LRIG1: variants seen among roughly 807,000 people sequenced by gnomAD.
LRIG1 encodes leucine rich repeats and immunoglobulin like domains 1.
Under a neutral mutation model 99.2 loss-of-function variants are expected in LRIG1, and 48 were observed. The ratio of observed to expected loss-of-function variants is 0.48; its 90% CI spans 0.38 to 0.62. The LOEUF (loss-of-function observed/expected upper bound fraction) is 0.62, where lower values mean the gene tolerates loss of function less well. Ranked by LOEUF, LRIG1 falls within the 20% of genes least tolerant of loss-of-function variation. The pLI, the probability that LRIG1 is intolerant of heterozygous loss-of-function variation, is 0.00. For synonymous variants in LRIG1, 772 were observed against 596.1 expected (o/e 1.29, Z -4.30); for missense variants, 1,646 against 1,434.4 (o/e 1.15, Z -2.38).
At chr3:66,465,268 C>T (rs1166585544) in intron 1 of LRIG1, among the ~76,000 whole-genome samples, 1 of 151,982 alleles carries the variant, frequency 6.6e-6, no homozygotes, top group African/African-American at 2.4e-5. Context: ...AAATAGTTAC[C>T]ACATTCTCCC....
At chr3:66,406,221 C>G in intron 8 of LRIG1, 1 of 985,464 alleles carries the variant, frequency 1.0e-6, no homozygotes, top group Non-Finnish European at 1.2e-6. Flanking sequence ...AGTGGAGATT[C>G]TGCTGCTGGA....
chr3:66,410,081 A>C (rs1294748726), intron 7 of LRIG1, 48 bp downstream of exon 7: 2 of 1,564,034 alleles, frequency 1.3e-6, no homozygotes, highest in Admixed American at 3.6e-5. Context: ...TTTCACCTCC[A>C]AGCAGTGTCT....
At chr3:66,425,201 C>T (rs1208139924) in intron 3 of LRIG1, among the ~76,000 whole-genome samples, 1 of 152,194 alleles carries the variant, frequency 6.6e-6, no homozygotes, top group African/African-American at 2.4e-5. Context: ...CCGAGAGGCT[C>T]TCCTGGCAGA....
intron 3 of LRIG1, among the ~76,000 whole-genome samples, chr3:66,435,341 T>C (rs1056899797): frequency 1.4e-4 from 22 of 152,068 alleles, no homozygotes; most frequent in Non-Finnish European, 2.9e-4. Context: ...GGCAGATCAC[T>C]TGAGGTCAGG....
In LRIG1 at chr3:66,379,301, A is replaced by C. The variant is rs1358225525; in HGVS notation, c.*962T>G. On this transcript the variant is annotated 3_prime_UTR_variant, in exon 19 of 19. Transcript: ENST00000273261. ...CAGGCCTGCTCTGGGTCCTTAGTAG[A>C]AATAAGGTAGCCCTGAAAAGTCAGA... is the stretch of plus-strand genomic sequence containing the variant. 1 of 152,592 alleles carries C rather than the reference A, an allele frequency of 6.6e-6. No homozygotes were observed. The highest frequency in any genetic ancestry group is 1.5e-5 in the Non-Finnish European group (1 of 68,044). 9.5% of individuals were successfully genotyped at this position (152,592 alleles called of 1,614,324 possible).
chr3:66,442,666 G>A (rs1703582191), intron 3 of LRIG1, among the ~76,000 whole-genome samples: 1 of 152,056 alleles, frequency 6.6e-6, no homozygotes, highest in Admixed American at 6.6e-5. Context: ...CCAACATTGG[G>A]GAGCAACCCG....
At chr3:66,440,562 T>C (rs183798497) in intron 3 of LRIG1, among the ~76,000 whole-genome samples, 69 of 152,248 alleles carry the variant, frequency 4.5e-4, no homozygotes. Flanking sequence ...GGGATGTAAA[T>C]AGACCCCTCT....
At chr3:66,439,610 GA>G (rs1258676698) in intron 3 of LRIG1, among the ~76,000 whole-genome samples, 1 of 151,056 alleles carries the variant, frequency 6.6e-6, no homozygotes, top group Admixed American at 6.6e-5. Context: ...AAGTTATAAA[GA>G]AAAAGGTGTT....
chr3:66,500,508 C>CCTG lies in LRIG1; in HGVS notation c.-102_-101insCAG. The CCTG allele has an allele frequency of 1.7e-6, 1 of 583,326 alleles. No homozygotes were observed. The highest frequency in any genetic ancestry group is 2.6e-6 in the Non-Finnish European group (1 of 385,434). 36.1% of individuals were successfully genotyped at this position (583,326 alleles called of 1,614,324 possible). A position where few individuals can be genotyped will look rare whatever the true frequency, so the allele number is the denominator to read the frequency against. ...GCGGGGCGCTCCGCTCGGCTCTAGA[C>CCTG]TCCGCACCGGGGCATGGCCCCCGCC... On this transcript the variant is annotated 5_prime_UTR_variant, in exon 1 of 19. Coordinates refer to ENST00000273261, the MANE Select transcript of LRIG1 (RefSeq NM_015541.3).
chr3:66,435,154 G>A (rs1575689010), intron 3 of LRIG1, among the ~76,000 whole-genome samples: 1 of 152,094 alleles, frequency 6.6e-6, no homozygotes, highest in African/African-American at 2.4e-5. Flanking sequence ...GAACCTCCAG[G>A]GAATTACGCT....
chr3:66,431,377 T>TC (rs1447198955), intron 3 of LRIG1, among the ~76,000 whole-genome samples: 1 of 152,154 alleles, frequency 6.6e-6, no homozygotes, highest in Non-Finnish European at 1.5e-5. Flanking sequence ...GATGAGAGTG[T>TC]CCCTTAAGGC....
intron 3 of LRIG1, among the ~76,000 whole-genome samples, chr3:66,445,441 T>A (rs1013735971): frequency 1.3e-5 from 2 of 152,236 alleles, no homozygotes; most frequent in Admixed American, 6.5e-5. Context: ...CCACTCTTAA[T>A]CTGGTGACTG....
Position 66,384,124 on chromosome 3 carries a change from T to C in LRIG1, c.1938A>G (p.Arg646=). The C allele has an allele frequency of 6.2e-7, 1 of 1,614,152 alleles. No individual in the cohort carries two copies. The highest frequency in any genetic ancestry group is 8.5e-7 in the Non-Finnish European group (1 of 1,180,034). The change falls in exon 14 of 19, where the codon CGA becomes CGG. Residue 646 remains arginine, a synonymous_variant. Coordinates refer to ENST00000273261, the MANE Select transcript of LRIG1 (RefSeq NM_015541.3). ...GGTDFPAARE[R]RMHVMPDDDV... is the part of the protein sequence containing the mutation. Reference sequence around the variant, plus strand: ...CGTCATCCGGCATGACATGCATGCGTCGCTCACGGGCAGCGGGGAAATCCG... The same window carrying C: ...CGTCATCCGGCATGACATGCATGCGCCGCTCACGGGCAGCGGGGAAATCCG...
At chr3:66,477,657 C>A (rs1352660702) in intron 1 of LRIG1, among the ~76,000 whole-genome samples, 1 of 152,176 alleles carries the variant, frequency 6.6e-6, no homozygotes, top group Admixed American at 6.5e-5. Flanking sequence ...AATCCCCTCT[C>A]GCCTCAAACC....
intron 7 of LRIG1, 98 bp from the exon 8 acceptor site, chr3:66,407,589 G>A: frequency 4.3e-6 from 6 of 1,398,952 alleles, no homozygotes; most frequent in South Asian, 1.2e-5. Flanking sequence ...GTTTCAGTGG[G>A]AAATGACACA....
Position 66,380,783 on chromosome 3 carries a change from T to C in LRIG1, c.2849A>G (p.Gln950Arg). Residue 950 changes from glutamine (Q) to arginine (R), a missense_variant, in exon 18 of 19, where the codon CAG becomes CGG. Gln to Arg is a conservative substitution (Grantham distance 43). Coordinates refer to ENST00000273261, the MANE Select transcript of LRIG1 (RefSeq NM_015541.3). ...CYSRGQAFHP[Q>R]PVSRDSAQPS... ...CTGTGCGCTGTCTCTGGACACAGGCTGGGGGTGGAAGGCTTGTCCCCTGGA... is the reference window on the plus strand; with the variant it reads ...CTGTGCGCTGTCTCTGGACACAGGCCGGGGGTGGAAGGCTTGTCCCCTGGA... 6.2e-7 allele frequency: 1 copy of C among 1,614,184 alleles called. No homozygotes were observed. The highest frequency in any genetic ancestry group is 8.5e-7 in the Non-Finnish European group (1 of 1,180,022).
chr3:66,490,537 T>C (rs972097465), intron 1 of LRIG1, among the ~76,000 whole-genome samples: 5 of 152,118 alleles, frequency 3.3e-5, no homozygotes, highest in African/African-American at 9.7e-5. Flanking sequence ...TGGGTCAAGG[T>C]ACCACCACAC....
intron 3 of LRIG1, among the ~76,000 whole-genome samples, chr3:66,438,741 C>A (rs943474440): frequency 6.6e-6 from 1 of 152,192 alleles, no homozygotes; most frequent in African/African-American, 2.4e-5. Context: ...ATTCCAGCAC[C>A]CAACTGGAGG....
chr3:66,415,011 G>A lies in LRIG1; in HGVS notation c.556C>T (p.Leu186=), dbSNP rs1271400795. The A allele has an allele frequency of 1.2e-6, 2 of 1,612,584 alleles. No individual in the cohort carries two copies. The highest frequency in any genetic ancestry group is 4.5e-5 in the East Asian group (2 of 44,842). ...CGAAGAGTTAGCAGCGACCGTGACA[G>A]ACCATCAAATGCTCCCAACTCCAGG... is the stretch of plus-strand genomic sequence containing the variant. ...GTLELGAFDG[L]SRSLLTLRLS... Residue 186 remains leucine (L), a synonymous_variant, in exon 5 of 19, where the codon CTG becomes TTG. Transcript: ENST00000273261.
Sources: gnomAD v4.1 joint callset for allele counts (sites outside exome capture counted in the v4.1 genomes callset) on GRCh38, gnomAD v4.1.1 for gene constraint, MANE v1.5 for transcripts, NCBI Gene and HGNC (gene_info 2026-07-23, HGNC 2026-07-21) for gene names.